Variants in PIK3C3 observed in about 807,000 individuals in gnomAD.
PIK3C3 encodes PI3-kinase type 3.
In PIK3C3, 95 loss-of-function variants were observed where a neutral mutation model predicts 126.1. The ratio of observed to expected loss-of-function variants is 0.75; its 90% CI spans 0.64 to 0.89. The LOEUF (loss-of-function observed/expected upper bound fraction) is 0.89, where lower values mean the gene tolerates loss of function less well. Among genes scored for constraint, PIK3C3 ranks in the 40% least tolerant of loss-of-function variants. PIK3C3 has a pLI of 0.00. For missense variants in PIK3C3, 829 were observed against 1,063.2 expected (o/e 0.78, Z 3.06); for synonymous variants, 374 against 360.0 (o/e 1.04, Z -0.44).
intron 11 of PIK3C3, among the ~76,000 whole-genome samples, chr18:42,014,468 G>A (rs1276318459): frequency 3.3e-5 from 5 of 152,174 alleles, no homozygotes; most frequent in Non-Finnish European, 7.3e-5. Flanking sequence ...TCTGAGGTAC[G>A]TATTCCTGTC....
rs1321481448 is a variant in PIK3C3, at chr18:41,996,717, C to T, written c.971C>T (p.Thr324Met). ...DLVWKFRYYL[T>M]NQEKALTKFL... ...GTTTGGAAGTTTAGATATTATCTTA[C>T]GAATCAAGAAAAAGTGAGTGTCTTG... Residue 324 changes from threonine to methionine, a missense_variant, in exon 9 of 25, where the codon ACG (threonine) becomes ATG (methionine). Thr to Met is a moderately conservative substitution (Grantham distance 81, BLOSUM62 -1). This residue lies in a region of PIK3C3 where 64 missense variants were observed against 118.7 expected (regional missense o/e 0.54). Transcript: ENST00000262039. 13 of 1,531,300 alleles carry T rather than the reference C, an allele frequency of 8.5e-6. 1 individual carries two copies. Among genetic ancestry groups the T allele is most frequent in the South Asian group, 4.8e-5 (4 of 83,286 alleles). The allele number at this position is 1,531,300 out of a possible 1,614,324, so 94.9% of individuals were successfully genotyped here.
At chr18:42,021,635 T>C (rs1433700376) in intron 13 of PIK3C3, among the ~76,000 whole-genome samples, 1 of 152,202 alleles carries the variant, frequency 6.6e-6, no homozygotes, top group Non-Finnish European at 1.5e-5. Context: ...TGATTTCTAA[T>C]CTAATCTTAC....
chr18:41,987,714 A>G (rs1981558152), intron 4 of PIK3C3, 98 bp from the exon 5 acceptor site: 1 of 727,138 alleles, frequency 1.4e-6, no homozygotes, highest in East Asian at 2.6e-5. Context: ...TGTATAGGAA[A>G]GTATCATATG....
At chr18:42,067,277 G>A (rs920889082) in intron 23 of PIK3C3, 111 bp from the exon 24 acceptor site, 1 of 923,696 alleles carries the variant, frequency 1.1e-6, no homozygotes, top group Non-Finnish European at 1.7e-6. Flanking sequence ...TCATTTATTT[G>A]CCATAGGAAT....
chr18:42,020,579 T>C, intron 12 of PIK3C3, 59 bp from the exon 13 acceptor site: 1 of 1,088,276 alleles, frequency 9.2e-7, no homozygotes, highest in East Asian at 2.5e-5. Flanking sequence ...TAAACTTACT[T>C]ATTTTCCCCC....
intron 10 of PIK3C3, among the ~76,000 whole-genome samples, chr18:42,011,512 C>T (rs1335157443): frequency 6.6e-6 from 1 of 152,144 alleles, no homozygotes; most frequent in Admixed American, 6.5e-5. Flanking sequence ...AGAATTAGGG[C>T]CTTGCTCTGG....
intron 21 of PIK3C3, among the ~76,000 whole-genome samples, chr18:42,054,895 CTTG>C (rs1984991728): frequency 6.6e-6 from 1 of 150,552 alleles, no homozygotes; most frequent in South Asian, 2.1e-4. Context: ...GTTTTCTTTG[CTTG>C]TTTGTTTTAC....
intron 17 of PIK3C3, 42 bp from the exon 18 acceptor site, chr18:42,038,739 G>T: frequency 2.4e-6 from 3 of 1,244,084 alleles, no homozygotes; most frequent in Non-Finnish European, 3.5e-6. Context: ...TCTTTTAACA[G>T]TCTTTACATT....
chr18:41,986,288 A>G (rs1305740334), intron 4 of PIK3C3, among the ~76,000 whole-genome samples: 3 of 152,302 alleles, frequency 2.0e-5, no homozygotes, highest in East Asian at 3.9e-4. Flanking sequence ...TAGGAAGTAT[A>G]TAAACTCTTA....
intron 10 of PIK3C3, among the ~76,000 whole-genome samples, chr18:42,006,932 C>T (rs1361981772): frequency 7.1e-6 from 1 of 141,670 alleles, no homozygotes; most frequent in Non-Finnish European, 1.5e-5. Context: ...GGCGTGATCT[C>T]AGCTCACTGA....
At chr18:42,070,097 C>T (rs1039126475) in intron 24 of PIK3C3, among the ~76,000 whole-genome samples, 2 of 152,188 alleles carry the variant, frequency 1.3e-5, no homozygotes, top group African/African-American at 4.8e-5. Flanking sequence ...GACTATCTCT[C>T]TCCACTTCCT....
rs754306101 is a variant in PIK3C3 at position 41,957,685 on chromosome 18, C to G, written c.184C>G (p.Gln62Glu). The change falls in exon 2 of 25, where the codon CAA becomes GAA. Residue 62 changes from glutamine to glutamate, a missense_variant. Physicochemically the swap from Gln to Glu is conservative, Grantham distance 29. Coordinates refer to ENST00000262039, the MANE Select transcript of PIK3C3 (RefSeq NM_002647.4). ...ATGCTCTGATCTTTATGTTACTTGTCAAGTTTTTGCAGAAGGGAAGCCTTT... is the reference window on the plus strand; with the variant it reads ...ATGCTCTGATCTTTATGTTACTTGTGAAGTTTTTGCAGAAGGGAAGCCTTT... Reference protein sequence around the residue: ...ETCSDLYVTCQVFAEGKPLAL... With the variant: ...ETCSDLYVTCEVFAEGKPLAL... The G allele has an allele frequency of 6.8e-6, 11 of 1,613,720 alleles. No individual in the cohort carries two copies. The highest frequency in any genetic ancestry group is 1.6e-4 in the Middle Eastern group (1 of 6,082).
rs938106860 is a variant in PIK3C3 at position 42,081,180 on chromosome 18, C to G, written c.*43C>G. 8 of 1,469,436 alleles carry G rather than the reference C, an allele frequency of 5.4e-6. No individual in the cohort carries two copies. In the African/African-American group the frequency reaches 9.8e-5, roughly 18 times the overall value. 91.0% of individuals were successfully genotyped at this position (1,469,436 alleles called of 1,614,324 possible). On this transcript the variant is annotated 3_prime_UTR_variant, in exon 25 of 25. Transcript: ENST00000262039. Reference sequence around the variant, plus strand: ...CAAGATGCTTGGCTCAATAAGAAAACCACGTTAGGAGCAACCTTTGTATAT... The same window carrying G: ...CAAGATGCTTGGCTCAATAAGAAAAGCACGTTAGGAGCAACCTTTGTATAT...
chr18:41,973,151 G>C (rs747526426), intron 4 of PIK3C3, among the ~76,000 whole-genome samples: 1 of 152,076 alleles, frequency 6.6e-6, no homozygotes, highest in Non-Finnish European at 1.5e-5. Context: ...TATCTTACTA[G>C]GGAATAAAAT....
At chr18:41,970,709 A>G (rs1359088015) in intron 4 of PIK3C3, 9 of 590,778 alleles carry the variant, frequency 1.5e-5, no homozygotes, top group African/African-American at 1.1e-4. Context: ...CATCACCCCT[A>G]AAAGAAACCG....
At position 42,082,371 on chromosome 18, in the gene PIK3C3, C is replaced by T. The variant is rs958846821; in HGVS notation, c.*1234C>T. On this transcript the variant is annotated 3_prime_UTR_variant, in exon 25 of 25. Transcript: ENST00000262039. The stretch of plus-strand genomic sequence containing the variant: ...TGCCTCTTCAGAGTGGGGTTACCGG[C>T]GAGAGGGCAAGCATGTAATTAAGAG... 1 of 151,832 alleles carries T rather than the reference C, an allele frequency of 6.6e-6. No individual in the cohort carries two copies. Among genetic ancestry groups the T allele is most frequent in the Admixed American group, 6.6e-5 (1 of 15,254 alleles). The allele number at this position is 151,832 out of a possible 1,614,324, so 9.4% of individuals were successfully genotyped here. A position where few individuals can be genotyped will look rare whatever the true frequency, so the allele number is the denominator to read the frequency against.
At chr18:41,955,492 G>A in intron 1 of PIK3C3, 133 bp downstream of exon 1, 2 of 724,840 alleles carry the variant, frequency 2.8e-6, no homozygotes, top group South Asian at 1.7e-5. Context: ...TGTGAGGGCT[G>A]TAGCCAGGGA....
chr18:41,995,464 C>T (rs1369398974), intron 7 of PIK3C3, among the ~76,000 whole-genome samples: 1 of 152,080 alleles, frequency 6.6e-6, no homozygotes, highest in Non-Finnish European at 1.5e-5. Flanking sequence ...ATTGTCCTTG[C>T]CCTCAGTAAC....
At chr18:42,020,010 A>G (rs563031043) in intron 12 of PIK3C3, among the ~76,000 whole-genome samples, 2 of 151,704 alleles carry the variant, frequency 1.3e-5, no homozygotes, top group East Asian at 3.9e-4. Context: ...CTCATTATTT[A>G]CTCTCCTAGT....
Sources: allele counts gnomAD v4.1 joint callset (sites outside exome capture counted in the v4.1 genomes callset), GRCh38; gene constraint gnomAD v4.1.1; regional missense constraint gnomAD v4.1.1; transcripts MANE v1.5; gene names NCBI Gene and HGNC (gene_info 2026-07-23, HGNC 2026-07-21).